The following CFAP54 variants were observed in gnomAD, a reference collection of about 807,000 sequenced individuals.
The protein encoded by CFAP54 is cilia and flagella associated protein 54.
In CFAP54, 290 loss-of-function variants were observed where a neutral mutation model predicts 370.4. The ratio of observed to expected loss-of-function variants is 0.78; its 90% CI spans 0.71 to 0.86. CFAP54 has a LOEUF of 0.86. CFAP54 is among the 40% of genes least tolerant of loss of function. The pLI is 0.00. For missense variants in CFAP54, 3,399 were observed against 3,528.7 expected, an observed-to-expected ratio of 0.96 and a Z score of 0.93; for synonymous variants, 1,206 against 1,236.5, an observed-to-expected ratio of 0.98 and a Z score of 0.52.
At chr12:96,721,901 G>A (rs1271893404) in intron 50 of CFAP54, among the ~76,000 whole-genome samples, 2 of 152,194 alleles carry the variant, frequency 1.3e-5, no homozygotes, top group Non-Finnish European at 2.9e-5. Context: ...ATAAGGAGTA[G>A]AGGTTGGAGG....
In CFAP54 at chr12:96,771,144, G is replaced by A. The variant is rs192484347; in HGVS notation, c.8281+5926G>A. Among the ~76,000 whole-genome samples the A allele has an allele frequency of 3.9e-3, 592 of 152,304 alleles. 5 individuals carry two copies. Among genetic ancestry groups the A allele is most frequent in the Middle Eastern group, 0.017 (5 of 294 alleles). On this transcript the variant is annotated intron_variant, in intron 60 of 67. Coordinates refer to ENST00000524981, the MANE Select transcript of CFAP54 (RefSeq NM_001306084.2). The stretch of plus-strand genomic sequence containing the variant: ...CTGAACCTGAGGACTTCACTGGAGA[G>A]GAATTCAAATTAGGCCTTAACAGAT...
At chr12:96,785,685 T>C (rs1958622306) in intron 61 of CFAP54, among the ~76,000 whole-genome samples, 2 of 152,178 alleles carry the variant, frequency 1.3e-5, no homozygotes, top group African/African-American at 4.8e-5. Flanking sequence ...TGGTGATCCC[T>C]TGCCCCTCAG....
At chr12:96,499,952 C>T (rs1592815102) in intron 1 of CFAP54, among the ~76,000 whole-genome samples, 1 of 120,358 alleles carries the variant, frequency 8.3e-6, no homozygotes. Flanking sequence ...ATCTCAAAAA[C>T]AAAACAAAAC....
intron 26 of CFAP54, among the ~76,000 whole-genome samples, chr12:96,609,533 TAGATGCTGACTCCTAACAGTG>T (rs1199087480): frequency 2.4e-4 from 37 of 152,210 alleles, no homozygotes; most frequent in African/African-American, 8.7e-4. Context: ...CCACAGGAAA[TAGATGCTGACTCCTAACAGTG>T]AGATTCAGTA....
At chr12:96,762,452 C>T (rs1565969127) in intron 58 of CFAP54, among the ~76,000 whole-genome samples, 1 of 152,312 alleles carries the variant, frequency 6.6e-6, no homozygotes, top group South Asian at 2.1e-4. Flanking sequence ...CCTAGAATCT[C>T]CTGTGCAATG....
At chr12:96,643,690 G>A (rs1286664036) in intron 32 of CFAP54, among the ~76,000 whole-genome samples, 1 of 152,078 alleles carries the variant, frequency 6.6e-6, no homozygotes, top group Admixed American at 6.6e-5. Context: ...TATTGAATAT[G>A]CAGTTATGAA....
intron 39 of CFAP54, among the ~76,000 whole-genome samples, chr12:96,675,322 A>C (rs1458196527): frequency 6.6e-6 from 1 of 152,244 alleles, no homozygotes; most frequent in Non-Finnish European, 1.5e-5. Context: ...ATGCAGCCAA[A>C]AGACACATGA....
At chr12:96,538,541 C>T (rs1438734907) in intron 13 of CFAP54, 23 bp downstream of exon 13, 2 of 1,529,882 alleles carry the variant, frequency 1.3e-6, no homozygotes, top group Non-Finnish European at 1.7e-6. Flanking sequence ...CATTCCCTTT[C>T]ACGTGTTTTT....
At chr12:96,684,759 A>AC (rs751835068) in intron 41 of CFAP54, 24 bp downstream of exon 41, 126 of 1,554,006 alleles carry the variant, frequency 8.1e-5, no homozygotes, top group Non-Finnish European at 1.6e-5. Flanking sequence ...AGTCTGTAGA[A>AC]CAAGGGCAAA....
intron 66 of CFAP54, among the ~76,000 whole-genome samples, chr12:96,848,223 T>A (rs1469060257): frequency 6.6e-6 from 1 of 151,956 alleles, no homozygotes; most frequent in African/African-American, 2.4e-5. Flanking sequence ...ATTACAGGCA[T>A]GCACCACCAC....
At position 96,515,513 on chromosome 12, in the gene CFAP54, A is replaced by G. The variant is rs190280473; in HGVS notation, c.798+2469A>G. Among the ~76,000 whole-genome samples the G allele has an allele frequency of 5.3e-5, 8 of 152,328 alleles. No homozygotes were observed. In the East Asian group the frequency reaches 1.5e-3, roughly 29 times the overall value. On this transcript the variant is annotated intron_variant, in intron 5 of 67. Transcript: ENST00000524981. Reference sequence around the variant, plus strand: ...GTAAATTGATTCCTGAGCTGAGGCTAAAAATGGATTTGATGGGTCCATTTA... The same window carrying G: ...GTAAATTGATTCCTGAGCTGAGGCTGAAAATGGATTTGATGGGTCCATTTA...
At chr12:96,741,442 T>C (rs923493001) in intron 51 of CFAP54, among the ~76,000 whole-genome samples, 2 of 152,246 alleles carry the variant, frequency 1.3e-5, no homozygotes, top group Admixed American at 6.5e-5. Context: ...AGATTACAGG[T>C]GTGAGCCACC....
chr12:96,689,454 C>A (rs1280023206), intron 43 of CFAP54, among the ~76,000 whole-genome samples: 1 of 152,166 alleles, frequency 6.6e-6, no homozygotes, highest in Admixed American at 6.5e-5. Context: ...AGCTACCATG[C>A]CTGGCCCACC....
At chr12:96,781,826 T>G (rs375806049) in intron 60 of CFAP54, among the ~76,000 whole-genome samples, 1 of 152,266 alleles carries the variant, frequency 6.6e-6, no homozygotes, top group African/African-American at 2.4e-5. Context: ...TTTCTAAAAC[T>G]GATAGTTTAA....
chr12:96,589,625 G>A (rs777279109), intron 23 of CFAP54, 62 bp downstream of exon 23: 135 of 1,006,270 alleles, frequency 1.3e-4, no homozygotes, highest in Non-Finnish European at 1.9e-4. Context: ...TGCTGGATGC[G>A]AAGCCTGGAA....
At chr12:96,555,011 C>A in intron 17 of CFAP54, 1 of 386,608 alleles carries the variant, frequency 2.6e-6, no homozygotes, top group Non-Finnish European at 4.4e-6. Flanking sequence ...AGTTAGTAAA[C>A]TTCTTAAAAA....
chr12:96,500,770 T>G, intron 1 of CFAP54, 64 bp from the exon 2 acceptor site: 1 of 1,165,894 alleles, frequency 8.6e-7, no homozygotes, highest in Middle Eastern at 1.9e-4. Flanking sequence ...AAAGGATTGC[T>G]TGCAAATTAA....
At chr12:96,840,600 ACTTT>A (rs1959205873) in intron 66 of CFAP54, among the ~76,000 whole-genome samples, 1 of 146,868 alleles carries the variant, frequency 6.8e-6, no homozygotes, top group Admixed American at 7.0e-5. Context: ...AGAGCTACAG[ACTTT>A]CTTTCTTTTC....
At chr12:96,779,837 G>A (rs1288218016) in intron 60 of CFAP54, among the ~76,000 whole-genome samples, 1 of 151,930 alleles carries the variant, frequency 6.6e-6, no homozygotes, top group Non-Finnish European at 1.5e-5. Context: ...ATAGAAAAAA[G>A]AAAGGAAGAG....
Sources: allele counts gnomAD v4.1 joint callset (sites outside exome capture counted in the v4.1 genomes callset), GRCh38; gene constraint gnomAD v4.1.1; transcripts MANE v1.5; gene names NCBI Gene and HGNC (gene_info 2026-07-23, HGNC 2026-07-21).